Variants in LRP1B observed in about 807,000 individuals in gnomAD.
LRP1B encodes the protein low-density lipoprotein receptor-related protein 1B.
Under a neutral mutation model 556.6 loss-of-function variants are expected in LRP1B, and 217 were observed. That is an observed-to-expected ratio of 0.39 (90% CI 0.35 to 0.44). The LOEUF is 0.44. Ranked by LOEUF, LRP1B falls within the 20% of genes least tolerant of loss-of-function variation. The pLI is 1.00. For synonymous variants in LRP1B, 2,047 were observed against 1,865.8 expected (o/e 1.10, Z -2.50); for missense variants, 5,053 against 5,620.8 (o/e 0.90, Z 3.23).
At chr2:141,650,077 G>A (rs995199257) in intron 2 of LRP1B, among the ~76,000 whole-genome samples, 4 of 152,184 alleles carry the variant, frequency 2.6e-5, no homozygotes, top group Admixed American at 6.5e-5. Context: ...CTAGTTGGGG[G>A]GCTGAGGCAG....
intron 6 of LRP1B, among the ~76,000 whole-genome samples, chr2:141,199,484 T>A (rs1344266223): frequency 2.0e-5 from 3 of 152,120 alleles, no homozygotes; most frequent in Non-Finnish European, 4.4e-5. Context: ...CAGGAGAGAA[T>A]TTAAAGTCTT....
At chr2:142,021,779 T>A (rs887920273) in intron 1 of LRP1B, among the ~76,000 whole-genome samples, 3 of 152,034 alleles carry the variant, frequency 2.0e-5, no homozygotes, top group Admixed American at 6.6e-5. Context: ...AAAATAATAA[T>A]AAAAAATTAA....
rs191375676 is a variant in LRP1B, at chr2:140,389,348, G to A, written c.10415-3339C>T. Among the ~76,000 whole-genome samples, 453 of 152,024 alleles carry A rather than the reference G, an allele frequency of 3.0e-3. 3 individuals carry two copies. The highest frequency in any genetic ancestry group is 0.011 in the African/African-American group (442 of 41,516). ...GATGCCTCTGGGAGCAAGACGTGGA[G>A]AAGTGAAATAAAAAACAACAGTGGG... On this transcript the variant is annotated intron_variant, in intron 66 of 90. Transcript: ENST00000389484.
intron 18 of LRP1B, among the ~76,000 whole-genome samples, chr2:140,978,187 G>T (rs1226000690): frequency 2.6e-5 from 4 of 152,262 alleles, no homozygotes; most frequent in African/African-American, 7.2e-5. Flanking sequence ...CCTAAAATGT[G>T]CAATTAACTC....
At chr2:141,225,469 T>C (rs1160862697) in intron 6 of LRP1B, among the ~76,000 whole-genome samples, 1 of 152,146 alleles carries the variant, frequency 6.6e-6, no homozygotes, top group Admixed American at 6.6e-5. Flanking sequence ...ATCCCATAAT[T>C]TTTGTTATTT....
intron 2 of LRP1B, among the ~76,000 whole-genome samples, chr2:141,593,128 T>C (rs1389974667): frequency 6.6e-6 from 1 of 152,160 alleles, no homozygotes; most frequent in African/African-American, 2.4e-5. Flanking sequence ...ATGATATTTC[T>C]GCAAATGGAT....
intron 42 of LRP1B, among the ~76,000 whole-genome samples, 182 bp from the exon 43 acceptor site, chr2:140,599,017 C>T (rs1682551637): frequency 6.6e-6 from 1 of 151,864 alleles, no homozygotes; most frequent in African/African-American, 2.4e-5. Flanking sequence ...GTTAATTTTC[C>T]CCAGGTTCTT....
At chr2:141,369,717 A>G (rs1057073580) in intron 3 of LRP1B, among the ~76,000 whole-genome samples, 2 of 152,120 alleles carry the variant, frequency 1.3e-5, no homozygotes, top group Admixed American at 6.6e-5. Context: ...ATATTGATAT[A>G]TTGCATTGTG....
At chr2:140,518,851 A>C (rs1157713328) in intron 49 of LRP1B, among the ~76,000 whole-genome samples, 2 of 152,192 alleles carry the variant, frequency 1.3e-5, no homozygotes, top group Non-Finnish European at 2.9e-5. Context: ...GGGGTTTTCT[A>C]AATATACAAT....
rs1695800171 is a variant in LRP1B, at chr2:141,796,001, A to T, written c.205+14278T>A. On this transcript the variant is annotated intron_variant, in intron 2 of 90. Coordinates refer to ENST00000389484, the MANE Select transcript of LRP1B (RefSeq NM_018557.3). ...AGAGGTTCAGTTTATTCATGGGTTA[A>T]ATCTTAAACACAAGCCAATCTCAGC... Among the ~76,000 whole-genome samples the T allele has an allele frequency of 2.0e-5, 3 of 150,182 alleles. No individual in the cohort carries two copies. In the South Asian group the frequency reaches 6.3e-4, roughly 32 times the overall value.
intron 14 of LRP1B, among the ~76,000 whole-genome samples, chr2:141,007,745 C>T (rs1490967810): frequency 6.6e-6 from 1 of 151,654 alleles, no homozygotes; most frequent in Non-Finnish European, 1.5e-5. Context: ...GAATTACTGA[C>T]ATTTTGAAAC....
At position 140,729,082 on chromosome 2, in the gene LRP1B, A is replaced by T. The variant is rs954781464; in HGVS notation, c.5759-12266T>A. Among the ~76,000 whole-genome samples, 3 of 152,062 alleles carry T rather than the reference A, an allele frequency of 2.0e-5. No individual in the cohort carries two copies. The South Asian group carries it at 6.2e-4, about 31-fold the overall frequency. On this transcript the variant is annotated intron_variant, in intron 35 of 90. Coordinates refer to ENST00000389484, the MANE Select transcript of LRP1B (RefSeq NM_018557.3). ...ATAATATTGTCTTTATGCATTTAAA[A>T]CTGAAGAGAAAATACATTGGTATTT...
At chr2:141,570,402 G>A (rs1686484327) in intron 2 of LRP1B, among the ~76,000 whole-genome samples, 1 of 150,980 alleles carries the variant, frequency 6.6e-6, no homozygotes, top group Admixed American at 6.6e-5. Flanking sequence ...TTCCACAGAT[G>A]TGTGGAACCC....
At chr2:141,138,809 C>T (rs1701555629) in intron 7 of LRP1B, among the ~76,000 whole-genome samples, 1 of 151,706 alleles carries the variant, frequency 6.6e-6, no homozygotes, top group Admixed American at 6.6e-5. Context: ...CTTATCAGTT[C>T]AATGAAATAT....
At chr2:140,526,165 T>G (rs1690423949) in intron 48 of LRP1B, 72 bp downstream of exon 48, 16 of 1,459,946 alleles carry the variant, frequency 1.1e-5, no homozygotes, top group Non-Finnish European at 8.6e-6. Context: ...TTCAGTAAAA[T>G]CTTGCACAGT....
At chr2:141,777,479 A>G (rs12473259) in intron 2 of LRP1B, among the ~76,000 whole-genome samples, 65,824 of 151,808 alleles carry the variant, frequency 0.43, 15,610 homozygotes, top group Admixed American at 0.54. Context: ...ATGGTGGCGC[A>G]GTCTCGGCTC....
intron 3 of LRP1B, among the ~76,000 whole-genome samples, chr2:141,405,552 TAA>T (rs1690602148): frequency 6.6e-6 from 1 of 152,100 alleles, no homozygotes; most frequent in Non-Finnish European, 1.5e-5. Flanking sequence ...GGGTACAAAT[TAA>T]AGAGGATTTT....
At chr2:140,455,086 A>C (rs1247637821) in intron 62 of LRP1B, among the ~76,000 whole-genome samples, 1 of 152,158 alleles carries the variant, frequency 6.6e-6, no homozygotes, top group Non-Finnish European at 1.5e-5. Flanking sequence ...TAGTATTAAT[A>C]ATTCTATTTT....
rs184182484 is a variant in LRP1B, at chr2:142,130,446, G to A, written c.82+202C>T. ...GAAACGGCCAAAGGGAAAAGCTGTGGGGGTGCCGAGGACTCAGGCACTTGG... is the reference window on the plus strand; with the variant it reads ...GAAACGGCCAAAGGGAAAAGCTGTGAGGGTGCCGAGGACTCAGGCACTTGG... On this transcript the variant is annotated intron_variant, in intron 1 of 90. Transcript: ENST00000389484. Among the ~76,000 whole-genome samples, 205 of 152,330 alleles carry A rather than the reference G, an allele frequency of 1.3e-3. 2 individuals carry two copies. The highest frequency in any genetic ancestry group is 4.3e-3 in the African/African-American group (179 of 41,584).
Sources: gnomAD v4.1 joint callset for allele counts (sites outside exome capture counted in the v4.1 genomes callset) on GRCh38, gnomAD v4.1.1 for gene constraint, MANE v1.5 for transcripts, NCBI Gene and HGNC (gene_info 2026-07-23, HGNC 2026-07-21) for gene names.